Variants in IGFBP7 observed in about 807,000 individuals in gnomAD.
The protein encoded by IGFBP7 is insulin like growth factor binding protein 7.
Under a neutral mutation model 29.4 loss-of-function variants are expected in IGFBP7, and 31 were observed. That is an observed-to-expected ratio of 1.05 (90% CI 0.79 to 1.42). The LOEUF (loss-of-function observed/expected upper bound fraction) is 1.42, where lower values mean the gene tolerates loss of function less well. IGFBP7 is among the 40% of genes most tolerant of loss of function. The pLI is 0.00. For synonymous variants in IGFBP7, 172 were observed against 174.9 expected (o/e 0.98, Z 0.13); for missense variants, 393 against 395.5 (o/e 0.99, Z 0.05).
At chr4:57,104,648 T>A (rs1216731353) in intron 1 of IGFBP7, among the ~76,000 whole-genome samples, 1 of 152,134 alleles carries the variant, frequency 6.6e-6, no homozygotes, top group Non-Finnish European at 1.5e-5. Flanking sequence ...ATAAAATGAG[T>A]ACCTGAAAAT....
At chr4:57,078,723 A>G (rs1725290092) in intron 1 of IGFBP7, among the ~76,000 whole-genome samples, 1 of 150,332 alleles carries the variant, frequency 6.7e-6, no homozygotes, top group African/African-American at 2.5e-5. Flanking sequence ...TGTTCCTTTG[A>G]TCTTTGCTTT....
intron 1 of IGFBP7, among the ~76,000 whole-genome samples, chr4:57,076,175 T>C (rs1347457087): frequency 6.6e-6 from 1 of 151,580 alleles, no homozygotes; most frequent in Non-Finnish European, 1.5e-5. Flanking sequence ...AGAGAGATCA[T>C]CTTTCTTTGT....
chr4:57,098,986 A>G lies in IGFBP7; in HGVS notation c.475+10891T>C, dbSNP rs140559733. ...TGTGGTCTCTTTCAAAACCTTCTGAATGTTCCAGGAGATCTATTTCTTGAT... is the reference window on the plus strand; with the variant it reads ...TGTGGTCTCTTTCAAAACCTTCTGAGTGTTCCAGGAGATCTATTTCTTGAT... On this transcript the variant is annotated intron_variant, in intron 1 of 4. Transcript: ENST00000295666. Among the ~76,000 whole-genome samples the G allele has an allele frequency of 1.0e-3, 159 of 152,252 alleles. 2 individuals are homozygous for G. The highest frequency in any genetic ancestry group is 3.9e-3 in the South Asian group (19 of 4,824).
Position 57,110,273 on chromosome 4 carries a change from A to G in IGFBP7, c.79T>C (p.Ser27Pro). Residue 27 changes from serine (S) to proline (P), a missense_variant, in exon 1 of 5, where the codon TCC (serine) becomes CCC (proline). By Grantham distance (74) the Ser-to-Pro change is moderately conservative (BLOSUM62 -1). Coordinates refer to ENST00000295666, the MANE Select transcript of IGFBP7 (RefSeq NM_001553.3). ...CAGGGGCCGCAGGTGTCCGAAGAGG[A>G]GGAAGAGGAGAGGGGCAGGAGCAGG... Reference protein sequence around the residue: ...LLLLLPLSSSSSSDTCGPCEP... With the variant: ...LLLLLPLSSSPSSDTCGPCEP... The G allele has an allele frequency of 7.0e-7, 1 of 1,426,558 alleles. No individual in the cohort carries two copies. The highest frequency in any genetic ancestry group is 9.2e-7 in the Non-Finnish European group (1 of 1,091,372). The allele number at this position is 1,426,558 out of a possible 1,614,324, so 88.4% of individuals were successfully genotyped here. A position where few individuals can be genotyped will look rare whatever the true frequency, so the allele number is the denominator to read the frequency against.
chr4:57,057,105 A>G (rs1289101110), intron 1 of IGFBP7, among the ~76,000 whole-genome samples: 3 of 152,140 alleles, frequency 2.0e-5, no homozygotes, highest in Non-Finnish European at 2.9e-5. Context: ...TTTAGGGCTC[A>G]AGAGATCCTC....
intron 1 of IGFBP7, among the ~76,000 whole-genome samples, chr4:57,050,176 C>A (rs1053433236): frequency 6.6e-6 from 1 of 151,712 alleles, no homozygotes; most frequent in South Asian, 2.1e-4. Flanking sequence ...TATCCTCACA[C>A]CAAAATCATG....
At chr4:57,063,785 G>A (rs1005034097) in intron 1 of IGFBP7, among the ~76,000 whole-genome samples, 3 of 152,110 alleles carry the variant, frequency 2.0e-5, no homozygotes, top group African/African-American at 7.2e-5. Flanking sequence ...TTCTGACTCA[G>A]CCACTCAACT....
At chr4:57,061,475 GT>G (rs1560497729) in intron 1 of IGFBP7, among the ~76,000 whole-genome samples, 1 of 152,054 alleles carries the variant, frequency 6.6e-6, no homozygotes, top group East Asian at 1.9e-4. Context: ...TAAAATAAGG[GT>G]TTCTTGGAAC....
intron 1 of IGFBP7, among the ~76,000 whole-genome samples, chr4:57,050,722 AT>A (rs35769988): frequency 0.27 from 38,396 of 140,232 alleles, 4,952 homozygotes; most frequent in East Asian, 0.46. Context: ...TTAAAAAAGA[AT>A]TTTTTTTTTT....
intron 1 of IGFBP7, among the ~76,000 whole-genome samples, chr4:57,080,162 A>G (rs1285014082): frequency 6.6e-6 from 1 of 152,226 alleles, no homozygotes; most frequent in Non-Finnish European, 1.5e-5. Flanking sequence ...ATGAATGACT[A>G]CAAGAATGAA....
chr4:57,067,031 A>G (rs1724936249), intron 1 of IGFBP7, among the ~76,000 whole-genome samples: 1 of 151,318 alleles, frequency 6.6e-6, no homozygotes, highest in African/African-American at 2.4e-5. Context: ...GAATTAGGGT[A>G]AAAAACCAAA....
At chr4:57,101,776 T>A (rs777396540) in intron 1 of IGFBP7, among the ~76,000 whole-genome samples, 6 of 149,372 alleles carry the variant, frequency 4.0e-5, no homozygotes, top group Non-Finnish European at 8.9e-5. Context: ...TTGATTGACC[T>A]GGAAAAGCCA....
At chr4:57,037,806 G>A (rs1284752655) in intron 2 of IGFBP7, among the ~76,000 whole-genome samples, 3 of 152,112 alleles carry the variant, frequency 2.0e-5, no homozygotes, top group East Asian at 3.9e-4. Context: ...GAAAACTGTA[G>A]AGAACTGCAA....
chr4:57,040,450 G>A (rs754434667), intron 2 of IGFBP7, among the ~76,000 whole-genome samples: 13 of 152,116 alleles, frequency 8.5e-5, no homozygotes, highest in Non-Finnish European at 1.8e-4. Context: ...AGAGAGAAAC[G>A]TACGCTTTTA....
At position 57,109,913 on chromosome 4, in the gene IGFBP7, CCTT is replaced by C; in HGVS notation, c.436_438del (p.Lys146del). 1 of 1,557,178 alleles carries C rather than the reference CCTT, an allele frequency of 6.4e-7. No homozygotes were observed. The highest frequency in any genetic ancestry group is 8.6e-7 in the Non-Finnish European group (1 of 1,157,914). On this transcript the variant is annotated inframe_deletion, in exon 1 of 5. Coordinates refer to ENST00000295666, the MANE Select transcript of IGFBP7 (RefSeq NM_001553.3). Reference sequence around the variant, plus strand: ...GTGCCCTTGCTGACCTGGGTGATGGCCTTCTCCCCGCGGCTCTCGGCCCTCTGG... The same window carrying C: ...GTGCCCTTGCTGACCTGGGTGATGGCCTCCCCGCGGCTCTCGGCCCTCTGG...
Position 57,030,899 on chromosome 4 carries a change from A to G in IGFBP7, c.*418T>C. The G allele has an allele frequency of 1.3e-6, 2 of 1,592,796 alleles. No homozygotes were observed. Among genetic ancestry groups the G allele is most frequent in the Non-Finnish European group, 1.7e-6 (2 of 1,160,594 alleles). On this transcript the variant is annotated 3_prime_UTR_variant, in exon 5 of 5. Transcript: ENST00000295666. The stretch of plus-strand genomic sequence containing the variant: ...ATTACCATTTGTTTTTTCTTTTCAG[A>G]TTTCTTTGGTGCGAATGCCTTACGC...
chr4:57,069,856 G>A (rs1029245424), intron 1 of IGFBP7, among the ~76,000 whole-genome samples: 3 of 152,176 alleles, frequency 2.0e-5, no homozygotes, highest in African/African-American at 7.2e-5. Flanking sequence ...GCCGAGGCAG[G>A]TGAATCACTT....
At chr4:57,068,395 C>G (rs181732338) in intron 1 of IGFBP7, among the ~76,000 whole-genome samples, 1 of 152,066 alleles carries the variant, frequency 6.6e-6, no homozygotes, top group Admixed American at 6.6e-5. Context: ...TCCCCTATAG[C>G]AAAGATGTGT....
intron 1 of IGFBP7, among the ~76,000 whole-genome samples, chr4:57,108,982 T>C (rs4865187): frequency 0.11 from 16,589 of 151,974 alleles, 999 homozygotes; most frequent in East Asian, 0.21. Context: ...ATCAAAGAAA[T>C]AGGAAGGAAA....
Sources: allele counts gnomAD v4.1 joint callset (sites outside exome capture counted in the v4.1 genomes callset), GRCh38; gene constraint gnomAD v4.1.1; transcripts MANE v1.5; gene names NCBI Gene and HGNC (gene_info 2026-07-23, HGNC 2026-07-21).